Variants in ATP8A2 observed in about 807,000 individuals in gnomAD.
ATP8A2 encodes ATPase phospholipid transporting 8A2, also known as phospholipid-transporting ATPase IB.
In ATP8A2, 100 loss-of-function variants were observed where a neutral mutation model predicts 165.6. The observed-to-expected ratio is 0.60, with a 90% CI of 0.51 to 0.71. The LOEUF (loss-of-function observed/expected upper bound fraction) is 0.71, where lower values mean the gene tolerates loss of function less well. ATP8A2 is among the 30% of genes least tolerant of loss of function. The probability of loss-of-function intolerance (pLI) is 0.00; values close to 1 mark genes in which losing one functional copy is unlikely to be tolerated. For missense variants in ATP8A2, 1,227 were observed against 1,479.5 expected (o/e 0.83, Z 2.80); for synonymous variants, 543 against 548.8 (o/e 0.99, Z 0.15).
intron 24 of ATP8A2, chr13:25,648,920 G>A: frequency 2.4e-6 from 1 of 419,200 alleles, no homozygotes; most frequent in Middle Eastern, 5.3e-4. Flanking sequence ...ATGGCGGGCT[G>A]ACTATTATGA....
At chr13:25,785,371 AAATAAT>A (rs1275494341) in intron 27 of ATP8A2, among the ~76,000 whole-genome samples, 1 of 151,962 alleles carries the variant, frequency 6.6e-6, no homozygotes, top group Non-Finnish European at 1.5e-5. Flanking sequence ...CCTTCTCAAA[AAATAAT>A]AATAATAATA....
rs1216419222 is a variant in ATP8A2, at chr13:25,728,130, G to A, written c.2384+28785G>A. On this transcript the variant is annotated intron_variant, in intron 25 of 36. Transcript: ENST00000381655. ...GTCAGATTTTGTTAAAGCAAAAACCGGTTTTTATAGTCTTTATAAAATGTA... is the reference window on the plus strand; with the variant it reads ...GTCAGATTTTGTTAAAGCAAAAACCAGTTTTTATAGTCTTTATAAAATGTA... Among the ~76,000 whole-genome samples the A allele has an allele frequency of 3.9e-5, 6 of 152,090 alleles. No individual in the cohort carries two copies. The East Asian group carries it at 9.6e-4, about 24-fold the overall frequency.
At chr13:25,643,242 C>T (rs1183989103) in intron 24 of ATP8A2, among the ~76,000 whole-genome samples, 2 of 152,086 alleles carry the variant, frequency 1.3e-5, no homozygotes, top group Non-Finnish European at 1.5e-5. Context: ...TTGTGATCCT[C>T]TGGTTTTTCC....
chr13:25,712,107 C>CTAT (rs1202772392), intron 25 of ATP8A2, among the ~76,000 whole-genome samples: 1 of 152,110 alleles, frequency 6.6e-6, no homozygotes, highest in Non-Finnish European at 1.5e-5. Context: ...CCATAGTGTA[C>CTAT]AGGGCTATAG....
At chr13:25,659,921 A>T (rs2137683072) in intron 24 of ATP8A2, among the ~76,000 whole-genome samples, 1 of 152,346 alleles carries the variant, frequency 6.6e-6, no homozygotes. Flanking sequence ...GAATTAAATT[A>T]CTAAGAGCCA....
At chr13:25,943,804 C>T (rs1367799612) in intron 33 of ATP8A2, among the ~76,000 whole-genome samples, 2 of 152,058 alleles carry the variant, frequency 1.3e-5, no homozygotes, top group Non-Finnish European at 1.5e-5. Flanking sequence ...GACTCCCAGC[C>T]TTCTATTCAT....
intron 35 of ATP8A2, among the ~76,000 whole-genome samples, chr13:25,997,798 T>C (rs1956544045): frequency 6.6e-6 from 1 of 152,140 alleles, no homozygotes; most frequent in Non-Finnish European, 1.5e-5. Flanking sequence ...CTTATATTTC[T>C]TGGCTGCGGC....
chr13:25,833,902 A>G lies in ATP8A2; in HGVS notation c.2755-3261A>G, dbSNP rs138320652. ...GAGTGCATTTGCATGAAATTTCATA[A>G]TATAAAGACAGGGTTGATATCTGTT... On this transcript the variant is annotated intron_variant, in intron 28 of 36. Coordinates refer to ENST00000381655, the MANE Select transcript of ATP8A2 (RefSeq NM_016529.6). 8.9e-3 allele frequency among the ~76,000 whole-genome samples: 1,350 copies of G among 152,036 alleles called. 27 individuals are homozygous for G. Among genetic ancestry groups the G allele is most frequent in the Admixed American group, 0.045 (696 of 15,298 alleles).
chr13:25,937,362 C>CTTTCTTTTTTTTTTTTT lies in ATP8A2; in HGVS notation c.3184-24210_3184-24209insCTTTTTTTTTTTTTTTT. ...TGCTTTGTCTTTCTATTCTTTCTTTCTTTTTTTTTTTTTTTTTGAACAGCC... is the reference window on the plus strand; with the variant it reads ...TGCTTTGTCTTTCTATTCTTTCTTTCTTTCTTTTTTTTTTTTTTTTTTTTTTTTTTTTTTGAACAGCC... On this transcript the variant is annotated intron_variant, in intron 33 of 36. Transcript: ENST00000381655. 1.4e-3 allele frequency among the ~76,000 whole-genome samples: 56 copies of CTTTCTTTTTTTTTTTTT among 38,800 alleles called. 5 individuals are homozygous for CTTTCTTTTTTTTTTTTT. The highest frequency in any genetic ancestry group is 2.0e-3 in the African/African-American group (30 of 14,722). The allele number at this position is 38,800 out of a possible 152,430, so 25.5% of individuals were successfully genotyped here.
intron 33 of ATP8A2, among the ~76,000 whole-genome samples, chr13:25,919,332 A>G (rs2139022794): frequency 6.6e-6 from 1 of 152,248 alleles, no homozygotes; most frequent in Non-Finnish European, 1.5e-5. Flanking sequence ...CACTTACAAC[A>G]TTTAGAATTG....
rs188016820 is a variant in ATP8A2 at position 25,777,852 on chromosome 13, A to G, written c.2679+2893A>G. Among the ~76,000 whole-genome samples the G allele has an allele frequency of 1.4e-3, 207 of 152,348 alleles. 2 individuals are homozygous for G. Among genetic ancestry groups the G allele is most frequent in the Admixed American group, 5.4e-3 (83 of 15,302 alleles). ...TTCTGTGTAAGGAACACATGGATGT[A>G]TTCATGTTGCTATATGGAACACTAA... On this transcript the variant is annotated intron_variant, in intron 27 of 36. Coordinates refer to ENST00000381655, the MANE Select transcript of ATP8A2 (RefSeq NM_016529.6).
intron 35 of ATP8A2, among the ~76,000 whole-genome samples, chr13:26,000,844 T>A (rs536101496): frequency 1.3e-5 from 2 of 152,244 alleles, no homozygotes; most frequent in South Asian, 2.1e-4. Flanking sequence ...CACCTTTTTT[T>A]AATTCAATTT....
rs150230110 is a variant in ATP8A2, at chr13:25,437,373, T to C, written c.77-31604T>C. Reference sequence around the variant, plus strand: ...CTCAATCAGATTCAGAATTAATCAATTGATGGATTTGGAACAAGGTTTCCA... The same window carrying C: ...CTCAATCAGATTCAGAATTAATCAACTGATGGATTTGGAACAAGGTTTCCA... On this transcript the variant is annotated intron_variant, in intron 1 of 36. Coordinates refer to ENST00000381655, the MANE Select transcript of ATP8A2 (RefSeq NM_016529.6). Among the ~76,000 whole-genome samples, 592 of 152,294 alleles carry C rather than the reference T, an allele frequency of 3.9e-3. 4 individuals are homozygous for C. The highest frequency in any genetic ancestry group is 0.011 in the African/African-American group (478 of 41,568).
At chr13:25,680,711 G>C (rs950259020) in intron 24 of ATP8A2, among the ~76,000 whole-genome samples, 1 of 152,154 alleles carries the variant, frequency 6.6e-6, no homozygotes, top group Non-Finnish European at 1.5e-5. Context: ...TCATCCTAAG[G>C]CTCCTTGTAC....
intron 33 of ATP8A2, among the ~76,000 whole-genome samples, chr13:25,868,879 C>T (rs1169066112): frequency 6.6e-6 from 1 of 151,996 alleles, no homozygotes; most frequent in Admixed American, 6.6e-5. Flanking sequence ...ACCACTCTGG[C>T]TAACACAGTG....
rs1375452471 is a variant in ATP8A2 at position 25,399,422 on chromosome 13, G to A, written c.76+27134G>A. 1.6e-3 allele frequency among the ~76,000 whole-genome samples: 13 copies of A among 8,230 alleles called. No homozygotes were observed. In the East Asian group the frequency reaches 0.019, roughly 12 times the overall value. The allele number at this position is 8,230 out of a possible 152,430, so 5.4% of individuals were successfully genotyped here. A position where few individuals can be genotyped will look rare whatever the true frequency, so the allele number is the denominator to read the frequency against. ...CTTTTTTTTTTTTTTTTTTTGAGAC[G>A]GAGTTTCGCTCTGTCGCCCAGGCTG... On this transcript the variant is annotated intron_variant, in intron 1 of 36. Coordinates refer to ENST00000381655, the MANE Select transcript of ATP8A2 (RefSeq NM_016529.6).
intron 23 of ATP8A2, among the ~76,000 whole-genome samples, chr13:25,583,397 C>G (rs751805825): frequency 2.0e-5 from 3 of 152,152 alleles, no homozygotes; most frequent in Non-Finnish European, 2.9e-5. Context: ...GATAACCCCT[C>G]AAGTTAAAAT....
chr13:25,471,137 A>G (rs2035832526), intron 2 of ATP8A2, among the ~76,000 whole-genome samples: 1 of 152,210 alleles, frequency 6.6e-6, no homozygotes, highest in Non-Finnish European at 1.5e-5. Flanking sequence ...GCTTTCAAAA[A>G]GATGATTTTC....
Position 26,017,221 on chromosome 13 carries a change from T to A in ATP8A2, c.3470-2667T>A, listed in dbSNP as rs138999379. ...GACTGAGGAGCAGCCCCGGGAGTGGTGCAGCAGCTGTGGAGCCAGTGACGA... is the reference window on the plus strand; with the variant it reads ...GACTGAGGAGCAGCCCCGGGAGTGGAGCAGCAGCTGTGGAGCCAGTGACGA... On this transcript the variant is annotated intron_variant, in intron 36 of 36. Transcript: ENST00000381655. Among the ~76,000 whole-genome samples, 20 of 152,244 alleles carry A rather than the reference T, an allele frequency of 1.3e-4. No homozygotes were observed. The East Asian group carries it at 3.7e-3, about 28-fold the overall frequency.
Sources: gnomAD v4.1 joint callset for allele counts (sites outside exome capture counted in the v4.1 genomes callset) on GRCh38, gnomAD v4.1.1 for gene constraint, MANE v1.5 for transcripts, NCBI Gene and HGNC (gene_info 2026-07-23, HGNC 2026-07-21) for gene names.